FAM107A: variants seen among roughly 807,000 people sequenced by gnomAD.
FAM107A encodes family with sequence similarity 107 member A, also known as actin-associated protein FAM107A.
Under a neutral mutation model 13.7 loss-of-function variants are expected in FAM107A, and 19 were observed. The observed-to-expected ratio is 1.38, with a 90% CI of 0.97 to 2.03. The LOEUF (loss-of-function observed/expected upper bound fraction) is 2.03. Among genes scored for constraint, FAM107A ranks in the 30% most tolerant of loss-of-function variants. FAM107A has a pLI of 0.00. For synonymous variants in FAM107A, 82 were observed against 74.5 expected, an observed-to-expected ratio of 1.10 and a Z score of -0.52; for missense variants, 203 against 184.4, an observed-to-expected ratio of 1.10 and a Z score of -0.58.
intron 3 of FAM107A, 63 bp from the exon 4 acceptor site, chr3:58,566,758 C>A: frequency 1.4e-6 from 2 of 1,386,788 alleles, no homozygotes; most frequent in Middle Eastern, 1.8e-4. Context: ...CTCTGAAAAC[C>A]TGTGGAGTTT....
intron 1 of FAM107A, among the ~76,000 whole-genome samples, chr3:58,599,917 C>T (rs907405945): frequency 4.6e-5 from 7 of 151,578 alleles, no homozygotes; most frequent in Admixed American, 2.0e-4. Context: ...CTCCAGTGAT[C>T]CTCCCGCCTC....
intron 1 of FAM107A, among the ~76,000 whole-genome samples, chr3:58,624,145 G>A (rs549025393): frequency 1.3e-5 from 2 of 152,188 alleles, no homozygotes; most frequent in Non-Finnish European, 2.9e-5. Context: ...GGCTTAAAAC[G>A]TGGCTCCCAT....
intron 1 of FAM107A, among the ~76,000 whole-genome samples, chr3:58,598,194 C>A (rs1250419975): frequency 6.6e-6 from 1 of 152,196 alleles, no homozygotes; most frequent in Non-Finnish European, 1.5e-5. Context: ...TGCCACCTCT[C>A]TTTTCCATCC....
Position 58,599,232 on chromosome 3 carries a change from G to A in FAM107A, c.-69-9963C>T, listed in dbSNP as rs141491461. On this transcript the variant is annotated intron_variant, in intron 1 of 3. Coordinates refer to the FAM107A transcript ENST00000465970. ...GCTGGGATTATAGGCATGAGCCATC[G>A]CACCTAGCCTCAATTTTTCACTATT... Among the ~76,000 whole-genome samples, 225 of 152,222 alleles carry A rather than the reference G, an allele frequency of 1.5e-3. 4 individuals carry two copies. The East Asian group carries it at 0.019, about 13-fold the overall frequency.
chr3:58,573,775 C>T (rs920711407), intron 1 of FAM107A: 2 of 152,394 alleles, frequency 1.3e-5, no homozygotes, highest in African/African-American at 2.4e-5. Flanking sequence ...TCCCTACCCT[C>T]TGGAGCTGGA....
upstream of FAM107A, among the ~76,000 whole-genome samples, chr3:58,582,118 C>T (rs917563102): frequency 2.0e-5 from 3 of 152,182 alleles, no homozygotes; most frequent in Non-Finnish European, 4.4e-5. Context: ...TTCCTGGCAG[C>T]ATAGTTGCTA....
At chr3:58,585,709 G>A (rs2065598683) in intron 1 of FAM107A, among the ~76,000 whole-genome samples, 1 of 152,212 alleles carries the variant, frequency 6.6e-6, no homozygotes, top group South Asian at 2.1e-4. Context: ...CCTCCACAGT[G>A]CAGGACCCCA....
chr3:58,591,702 G>A (rs781555716), upstream of FAM107A, among the ~76,000 whole-genome samples: 5 of 152,144 alleles, frequency 3.3e-5, no homozygotes, highest in Admixed American at 6.5e-5. This position sits in a 1 kb window ranked among gnomAD's most constrained non-coding sequence, Gnocchi z 4.3. Flanking sequence ...ACGTGCTCCC[G>A]TAGCATGCAG....
upstream of FAM107A, among the ~76,000 whole-genome samples, chr3:58,579,469 AG>A (rs1339344006): frequency 6.6e-6 from 1 of 152,090 alleles, no homozygotes; most frequent in African/African-American, 2.4e-5. Context: ...TATGAATGGT[AG>A]CCCCCTCAGC....
At chr3:58,592,516 G>A (rs565963381) in intron 1 of FAM107A, among the ~76,000 whole-genome samples, 6 of 152,164 alleles carry the variant, frequency 3.9e-5, no homozygotes, top group East Asian at 1.9e-4. Context: ...AGGCCACCGC[G>A]GTCATTTCTT....
At chr3:58,591,256 G>C (rs2065652220), upstream of FAM107A, among the ~76,000 whole-genome samples, 1 of 152,204 alleles carries the variant, frequency 6.6e-6, no homozygotes, top group South Asian at 2.1e-4. This position sits in a 1 kb window ranked among gnomAD's most constrained non-coding sequence, Gnocchi z 4.3. Context: ...ACCACCTGTG[G>C]TCATAAATAG....
chr3:58,579,893 A>G (rs1165485357), upstream of FAM107A, among the ~76,000 whole-genome samples: 6 of 152,202 alleles, frequency 3.9e-5, no homozygotes, highest in Non-Finnish European at 7.3e-5. Flanking sequence ...ACTTGTATAC[A>G]AACCCATCAG....
At chr3:58,625,953 C>G (rs894539847) in intron 1 of FAM107A, among the ~76,000 whole-genome samples, 7 of 152,216 alleles carry the variant, frequency 4.6e-5, no homozygotes, top group Non-Finnish European at 1.0e-4. Context: ...AGCCTCTGGG[C>G]TTGGGGTAGC....
At chr3:58,614,314 T>C (rs1284155426) in intron 1 of FAM107A, among the ~76,000 whole-genome samples, 1 of 152,146 alleles carries the variant, frequency 6.6e-6, no homozygotes, top group Non-Finnish European at 1.5e-5. Context: ...TTTCTTTCAT[T>C]GTCCTTGTTT....
At chr3:58,614,260 G>GT (rs1174711168) in intron 1 of FAM107A, among the ~76,000 whole-genome samples, 1 of 152,004 alleles carries the variant, frequency 6.6e-6, no homozygotes, top group Non-Finnish European at 1.5e-5. Flanking sequence ...TTTGTTTTTT[G>GT]TTTTTTGCTT....
intron 1 of FAM107A, among the ~76,000 whole-genome samples, chr3:58,602,645 A>G (rs2065762488): frequency 6.6e-6 from 1 of 152,230 alleles, no homozygotes; most frequent in African/African-American, 2.4e-5. Context: ...ACCTAGGTTT[A>G]CTAACATGGA....
Position 58,604,007 on chromosome 3 carries a change from C to A in FAM107A, c.-69-14738G>T, listed in dbSNP as rs190892116. On this transcript the variant is annotated intron_variant, in intron 1 of 3. Transcript: ENST00000465970. This position sits in a 1 kb window ranked among gnomAD's most constrained non-coding sequence, Gnocchi z 4.1. ...TCACCAAAAGGAAAGAGGTTGAGGC[C>A]GTGGGTGGAAGCCCTCCCAATAGCC... Among the ~76,000 whole-genome samples the A allele has an allele frequency of 6.6e-6, 1 of 152,140 alleles. No homozygotes were observed. The highest frequency in any genetic ancestry group is 2.4e-5 in the African/African-American group (1 of 41,422).
chr3:58,573,313 C>T (rs1380718794), intron 1 of FAM107A, among the ~76,000 whole-genome samples: 1 of 152,184 alleles, frequency 6.6e-6, no homozygotes, highest in Non-Finnish European at 1.5e-5. Context: ...AGCCTTTCTG[C>T]CTTTTAATTT....
chr3:58,619,026 G>A (rs1204136636), intron 1 of FAM107A, among the ~76,000 whole-genome samples: 1 of 152,140 alleles, frequency 6.6e-6, no homozygotes, highest in African/African-American at 2.4e-5. Flanking sequence ...CTTGAGACAA[G>A]ATCTTATTCT....
Sources: gnomAD v4.1 joint callset for allele counts (sites outside exome capture counted in the v4.1 genomes callset) on GRCh38, gnomAD v4.1.1 for gene constraint, Gnocchi (gnomAD v3.1) non-coding constraint, MANE v1.5 for transcripts, NCBI Gene and HGNC (gene_info 2026-07-23, HGNC 2026-07-21) for gene names.